The following AGPS variants were observed in gnomAD, a reference collection of about 807,000 sequenced individuals.
AGPS encodes alkylglycerone phosphate synthase, also known as alkyldihydroxyacetonephosphate synthase, peroxisomal.
In AGPS, 26 loss-of-function variants were observed where a neutral mutation model predicts 90.7. That is an observed-to-expected ratio of 0.29 (90% CI 0.21 to 0.40). AGPS has a LOEUF of 0.40. Among genes scored for constraint, AGPS ranks in the 10% least tolerant of loss-of-function variants. The pLI is 1.00. For synonymous variants in AGPS, 294 were observed against 285.3 expected, an observed-to-expected ratio of 1.03 and a Z score of -0.31; for missense variants, 540 against 816.1, an observed-to-expected ratio of 0.66 and a Z score of 4.12.
At chr2:177,423,690 T>G (rs1685995734) in intron 2 of AGPS, among the ~76,000 whole-genome samples, 1 of 152,200 alleles carries the variant, frequency 6.6e-6, no homozygotes, top group Non-Finnish European at 1.5e-5. Context: ...ACTTTGACAT[T>G]TCAAGCCCAG....
chr2:177,522,934 G>A (rs934124381), intron 18 of AGPS, among the ~76,000 whole-genome samples: 7 of 152,164 alleles, frequency 4.6e-5, no homozygotes, highest in African/African-American at 1.7e-4. Flanking sequence ...ATTAGGAACT[G>A]AAGGCAATTC....
rs202027312 is a variant in AGPS at position 177,482,931 on chromosome 2, TC to T, written c.1233+748del. Among the ~76,000 whole-genome samples the T allele has an allele frequency of 6.8e-3, 1,031 of 152,278 alleles. 11 individuals are homozygous for T. The highest frequency in any genetic ancestry group is 0.024 in the African/African-American group (979 of 41,556). The stretch of plus-strand genomic sequence containing the variant: ...TATGAATAATTCTTAATTCAACTTT[TC>T]CCAGCAGGGAGGAAGTCAAGGGAAT... On this transcript the variant is annotated intron_variant, in intron 11 of 19. Transcript: ENST00000264167.
At chr2:177,517,828 A>G (rs1689066058) in intron 17 of AGPS, among the ~76,000 whole-genome samples, 1 of 152,214 alleles carries the variant, frequency 6.6e-6, no homozygotes. Context: ...ACCTTTCTTT[A>G]TCATTTGTCC....
intron 8 of AGPS, among the ~76,000 whole-genome samples, chr2:177,453,046 G>C (rs1024872787): frequency 6.0e-5 from 9 of 151,180 alleles, no homozygotes; most frequent in Non-Finnish European, 8.8e-5. Context: ...CTTTAGTGTG[G>C]GTCTGCTGTT....
Position 177,541,312 on chromosome 2 carries a change from A to G in AGPS, c.*3117A>G, listed in dbSNP as rs2079233021. ...TGAAAATGCCTTTCTGCATGTTAGC[A>G]CCCAGACTTTCCTTTGTCATATTCC... On this transcript the variant is annotated 3_prime_UTR_variant, in exon 20 of 20. Transcript: ENST00000264167. 6.6e-6 allele frequency: 1 copy of G among 152,130 alleles called. No homozygotes were observed. Among genetic ancestry groups the G allele is most frequent in the Non-Finnish European group, 1.5e-5 (1 of 68,022 alleles). 9.4% of individuals were successfully genotyped at this position (152,130 alleles called of 1,614,324 possible). A position where few individuals can be genotyped will look rare whatever the true frequency, so the allele number is the denominator to read the frequency against.
chr2:177,516,222 A>G (rs1306256454), intron 17 of AGPS, among the ~76,000 whole-genome samples: 1 of 152,150 alleles, frequency 6.6e-6, no homozygotes, highest in Non-Finnish European at 1.5e-5. Context: ...GGTGTAGGGT[A>G]CATTTATTGA....
At chr2:177,537,251 A>G (rs576532330) in intron 19 of AGPS, among the ~76,000 whole-genome samples, 13 of 152,282 alleles carry the variant, frequency 8.5e-5, no homozygotes, top group African/African-American at 2.4e-4. Context: ...CAAAAGTTCT[A>G]CTTACAAAAG....
intron 13 of AGPS, 135 bp downstream of exon 13, chr2:177,497,900 G>C (rs973148790): frequency 5.2e-6 from 2 of 387,912 alleles, no homozygotes; most frequent in African/African-American, 4.2e-5. Flanking sequence ...TTTTCATGTT[G>C]GAATAAATAT....
At chr2:177,507,051 A>G (rs1006761251) in intron 15 of AGPS, among the ~76,000 whole-genome samples, 2 of 151,842 alleles carry the variant, frequency 1.3e-5, no homozygotes, top group Admixed American at 1.3e-4. Flanking sequence ...CTACCCCGGG[A>G]TTACATGTTT....
chr2:177,521,282 T>A lies in AGPS; in HGVS notation c.1711T>A (p.Tyr571Asn). The A allele has an allele frequency of 6.2e-7, 1 of 1,614,094 alleles. No homozygotes were observed. The highest frequency in any genetic ancestry group is 8.5e-7 in the Non-Finnish European group (1 of 1,179,948). Residue 571 changes from tyrosine to asparagine, a missense_variant, in exon 18 of 20, where the codon TAC becomes AAC. Physicochemically the swap from Tyr to Asn is moderately radical, Grantham distance 143. Coordinates refer to ENST00000264167, the MANE Select transcript of AGPS (RefSeq NM_003659.4). ...PFSTCRVTQT[Y>N]DAGACIYFYF... Reference sequence around the variant, plus strand: ...TTTGTTTTTTAGGGTGACGCAGACTTACGATGCAGGTGCTTGTATCTACTT... The same window carrying A: ...TTTGTTTTTTAGGGTGACGCAGACTAACGATGCAGGTGCTTGTATCTACTT...
chr2:177,451,455 T>G (rs139346660), intron 8 of AGPS, among the ~76,000 whole-genome samples: 95 of 152,180 alleles, frequency 6.2e-4, no homozygotes, highest in Non-Finnish European at 9.7e-4. Context: ...TCTCATTGGA[T>G]TTTTTACATA....
intron 10 of AGPS, among the ~76,000 whole-genome samples, chr2:177,477,621 C>T (rs1350666244): frequency 6.6e-6 from 1 of 152,116 alleles, no homozygotes; most frequent in African/African-American, 2.4e-5. Flanking sequence ...GAAAACACAT[C>T]TGGTCCTAAG....
chr2:177,505,558 G>A lies in AGPS; in HGVS notation c.1528G>A (p.Val510Ile), dbSNP rs750626738. 6.2e-7 allele frequency: 1 copy of A among 1,611,986 alleles called. No individual in the cohort carries two copies. Among genetic ancestry groups the A allele is most frequent in the East Asian group, 2.2e-5 (1 of 44,738 alleles). ...ACAGAGAGGTTATTTGCTGACCTAT[G>A]TTATTGCATACATTCGAGTAAGTTA... ...NGQRGYLLTY[V>I]IAYIRDLALE... The change falls in exon 15 of 20, where the codon GTT (valine) becomes ATT (isoleucine). Residue 510 changes from valine (V) to isoleucine (I), a missense_variant. By Grantham distance (29) the Val-to-Ile change is conservative. Around this residue, in one of 2 missense-constraint regions of AGPS, gnomAD observed 405 missense variants for 692.1 expected, o/e 0.59. Transcript: ENST00000264167.
intron 9 of AGPS, 54 bp from the exon 10 acceptor site, chr2:177,468,362 A>G: frequency 9.6e-7 from 1 of 1,044,770 alleles, no homozygotes. Flanking sequence ...CTGTACATAG[A>G]CACACATTCA....
At chr2:177,421,622 G>C (rs996412864) in intron 2 of AGPS, among the ~76,000 whole-genome samples, 3 of 151,970 alleles carry the variant, frequency 2.0e-5, no homozygotes, top group Non-Finnish European at 4.4e-5. Context: ...GCAAGCAATG[G>C]AGGCTTAGTT....
intron 11 of AGPS, among the ~76,000 whole-genome samples, chr2:177,487,992 TA>T (rs2105699953): frequency 6.6e-6 from 1 of 152,254 alleles, no homozygotes; most frequent in East Asian, 1.9e-4. Context: ...CTTGTCAAAA[TA>T]AAAAGTTCTT....
intron 2 of AGPS, among the ~76,000 whole-genome samples, chr2:177,433,873 T>G (rs1399865235): frequency 5.3e-5 from 8 of 152,086 alleles, no homozygotes; most frequent in African/African-American, 1.9e-4. Flanking sequence ...GCTGATAGAT[T>G]GGTTCCTCTC....
chr2:177,507,250 T>C (rs1293810757), intron 15 of AGPS, among the ~76,000 whole-genome samples: 3 of 152,094 alleles, frequency 2.0e-5, no homozygotes, highest in African/African-American at 7.2e-5. Context: ...ACTTAACATA[T>C]GTTGAGTTTT....
chr2:177,467,436 T>C (rs972118782), intron 9 of AGPS, among the ~76,000 whole-genome samples: 10 of 152,194 alleles, frequency 6.6e-5, no homozygotes, highest in African/African-American at 2.4e-5. Context: ...TTAATCATTT[T>C]CTTTGGGTAA....
Sources: gnomAD v4.1 joint callset for allele counts (sites outside exome capture counted in the v4.1 genomes callset) on GRCh38, gnomAD v4.1.1 for gene constraint, gnomAD v4.1.1 regional missense constraint, MANE v1.5 for transcripts, NCBI Gene and HGNC (gene_info 2026-07-23, HGNC 2026-07-21) for gene names.